The following GALNT13 variants were observed in gnomAD, a reference collection of about 807,000 sequenced individuals.
The protein encoded by GALNT13 is UDP-GalNAc:polypeptide N-acetylgalactosaminyltransferase 13.
In GALNT13, 28 loss-of-function variants were observed where a neutral mutation model predicts 64.2. The ratio of observed to expected loss-of-function variants is 0.44; its 90% CI spans 0.32 to 0.60. The LOEUF (loss-of-function observed/expected upper bound fraction) is 0.60, where lower values mean the gene tolerates loss of function less well. Ranked by LOEUF, GALNT13 falls within the 20% of genes least tolerant of loss-of-function variation. The pLI is 0.05. For synonymous variants in GALNT13, 214 were observed against 224.6 expected (o/e 0.95, Z 0.42); for missense variants, 577 against 669.8 (o/e 0.86, Z 1.53).
intron 3 of GALNT13, among the ~76,000 whole-genome samples, chr2:153,974,429 A>C (rs1693945211): frequency 6.6e-6 from 1 of 152,110 alleles, no homozygotes; most frequent in Non-Finnish European, 1.5e-5. Context: ...AATAAGAATA[A>C]TGACCACATG....
chr2:153,886,365 C>A (rs1385027949), intron 1 of GALNT13, among the ~76,000 whole-genome samples: 1 of 151,498 alleles, frequency 6.6e-6, no homozygotes. Flanking sequence ...CTCCCCACTC[C>A]CCCCACCCCG....
At chr2:153,420,793 C>A in the GALNT13 span, 1 of 233,118 alleles carries the variant, frequency 4.3e-6, no homozygotes. Context: ...TCACCCATTT[C>A]CCAGTGAACA....
chr2:153,082,614 TATATACACACACAC>T, the GALNT13 span, among the ~76,000 whole-genome samples: 62 of 31,288 alleles, frequency 2.0e-3, no homozygotes, highest in Non-Finnish European at 2.7e-3. Context: ...TATATATATA[TATATACACACACAC>T]ACACACACAC....
At chr2:153,364,713 C>T in the GALNT13 span, among the ~76,000 whole-genome samples, 2 of 152,088 alleles carry the variant, frequency 1.3e-5, no homozygotes, top group African/African-American at 4.8e-5. Context: ...GAACTACAAA[C>T]CACTGCTCAA....
At chr2:153,609,880 G>A in the GALNT13 span, among the ~76,000 whole-genome samples, 15 of 152,066 alleles carry the variant, frequency 9.9e-5, no homozygotes, top group Non-Finnish European at 1.5e-4. Context: ...TGAGCCTTTA[G>A]GTAGAAACCA....
chr2:153,396,830 T>C, the GALNT13 span, among the ~76,000 whole-genome samples: 7 of 152,170 alleles, frequency 4.6e-5, no homozygotes, highest in African/African-American at 1.7e-4. Flanking sequence ...ATTAGGAACA[T>C]TTGATTCCCT....
At chr2:153,174,606 G>C in the GALNT13 span, among the ~76,000 whole-genome samples, 1 of 151,852 alleles carries the variant, frequency 6.6e-6, no homozygotes, top group Non-Finnish European at 1.5e-5. Context: ...GAAGAAACAA[G>C]GGTGTACCTT....
At chr2:153,555,185 C>T in the GALNT13 span, among the ~76,000 whole-genome samples, 8 of 136,178 alleles carry the variant, frequency 5.9e-5, no homozygotes, top group Admixed American at 1.5e-4. Flanking sequence ...GAAACAGAAG[C>T]TTTACTTTTT....
At chr2:153,774,308 TTC>T in the GALNT13 span, among the ~76,000 whole-genome samples, 3 of 152,022 alleles carry the variant, frequency 2.0e-5, no homozygotes, top group Non-Finnish European at 2.9e-5. Context: ...GATGTTTCTT[TTC>T]TCTCTCTCTC....
intron 9 of GALNT13, among the ~76,000 whole-genome samples, chr2:154,345,458 C>T (rs947583716): frequency 6.6e-5 from 10 of 151,994 alleles, no homozygotes; most frequent in Non-Finnish European, 1.3e-4. Flanking sequence ...TTGCACTGTT[C>T]ACTATAGTAG....
intron 9 of GALNT13, among the ~76,000 whole-genome samples, chr2:154,322,047 T>C (rs937683411): frequency 6.6e-6 from 1 of 151,396 alleles, no homozygotes; most frequent in African/African-American, 2.4e-5. Flanking sequence ...TTCCCATTTA[T>C]GGAATTCACA....
the GALNT13 span, among the ~76,000 whole-genome samples, chr2:153,241,629 A>C: frequency 1.3e-5 from 2 of 150,696 alleles, no homozygotes; most frequent in Admixed American, 1.3e-4. Context: ...TGTGTAAAAA[A>C]TTCTTACAAG....
intron 9 of GALNT13, among the ~76,000 whole-genome samples, chr2:154,310,941 C>CATATATATTCATAGAATATTCTAAAA (rs1693998109): frequency 7.7e-6 from 1 of 129,450 alleles, no homozygotes; most frequent in South Asian, 2.4e-4. Context: ...TATTATTATT[C>CATATATATTCATAGAATATTCTAAAA]ATATATATTC....
intron 9 of GALNT13, among the ~76,000 whole-genome samples, chr2:154,385,209 T>C (rs1463811227): frequency 1.3e-5 from 2 of 151,976 alleles, no homozygotes; most frequent in African/African-American, 4.8e-5. Flanking sequence ...TTAGGAAATA[T>C]TTTCGTTTGT....
chr2:153,554,693 C>T, the GALNT13 span, among the ~76,000 whole-genome samples: 13 of 132,530 alleles, frequency 9.8e-5, no homozygotes, highest in Admixed American at 2.2e-4. Flanking sequence ...TCTGTGTACG[C>T]GCACATAAGT....
At chr2:153,721,477 T>C in the GALNT13 span, among the ~76,000 whole-genome samples, 1 of 150,154 alleles carries the variant, frequency 6.7e-6, no homozygotes, top group Admixed American at 6.6e-5. Flanking sequence ...ACTTTAAATA[T>C]AAATGGACTA....
At chr2:153,546,885 T>C in the GALNT13 span, among the ~76,000 whole-genome samples, 1 of 152,214 alleles carries the variant, frequency 6.6e-6, no homozygotes, top group South Asian at 2.1e-4. Context: ...TTCCTCTCTA[T>C]ATAAATAGAA....
At chr2:154,153,790 C>T (rs1330273815) in intron 4 of GALNT13, among the ~76,000 whole-genome samples, 4 of 152,200 alleles carry the variant, frequency 2.6e-5, no homozygotes, top group African/African-American at 9.6e-5. Context: ...TGGAAAAGCG[C>T]AGTATTAGGG....
chr2:153,748,363 C>T, the GALNT13 span, among the ~76,000 whole-genome samples: 1 of 152,024 alleles, frequency 6.6e-6, no homozygotes, highest in African/African-American at 2.4e-5. Flanking sequence ...AATTGTTTTC[C>T]ATAGTAGATG....
Sources: allele counts gnomAD v4.1 joint callset (sites outside exome capture counted in the v4.1 genomes callset), GRCh38; gene constraint gnomAD v4.1.1; transcripts MANE v1.5; gene names NCBI Gene and HGNC (gene_info 2026-07-23, HGNC 2026-07-21).